Variants in SCAP observed in about 807,000 individuals in gnomAD.
The protein encoded by SCAP is sterol regulatory element-binding protein cleavage-activating protein.
In SCAP, 65 loss-of-function variants were observed where a neutral mutation model predicts 123.6. The ratio of observed to expected loss-of-function variants is 0.53; its 90% CI spans 0.43 to 0.65. The LOEUF (loss-of-function observed/expected upper bound fraction) is 0.65. Ranked by LOEUF, SCAP falls within the 30% of genes least tolerant of loss-of-function variation. The pLI is 0.00. For missense variants in SCAP, 1,398 were observed against 1,712.5 expected (o/e 0.82, Z 3.24); for synonymous variants, 740 against 726.3 (o/e 1.02, Z -0.30).
chr3:47,417,449 A>T lies in SCAP; in HGVS notation c.2825T>A (p.Leu942Gln). The change falls in exon 17 of 23, where the codon CTG becomes CAG. Residue 942 changes from leucine (L) to glutamine (Q), a missense_variant. By Grantham distance (113) the Leu-to-Gln change is moderately radical (BLOSUM62 -2). Around this residue, in one of 7 missense-constraint regions of SCAP, gnomAD observed 828 missense variants for 882.5 expected, o/e 0.94. Coordinates refer to ENST00000265565, the MANE Select transcript of SCAP (RefSeq NM_012235.4). ...ACCCTCGTCCTCAGGGGCCTGGGAC[A>T]GCACCGGCCCAGGCGAGGGTGGGCG... ...ALRPPSPGPV[L>Q]SQAPEDEGGS... is the part of the protein sequence containing the mutation. 2 of 1,553,540 alleles carry T rather than the reference A, an allele frequency of 1.3e-6. No homozygotes were observed. The highest frequency in any genetic ancestry group is 2.4e-5 in the South Asian group (2 of 84,706).
At chr3:47,423,419 C>T (rs1253329712) in intron 9 of SCAP, among the ~76,000 whole-genome samples, 3 of 152,206 alleles carry the variant, frequency 2.0e-5, no homozygotes, top group East Asian at 3.9e-4. Context: ...AAGCCACCAC[C>T]AAACACAAGC....
In SCAP at chr3:47,423,988, G is replaced by A; in HGVS notation, c.1095C>T (p.Thr365=). Residue 365 remains threonine (T), a synonymous_variant, in exon 9 of 23, where the codon ACC becomes ACT. Transcript: ENST00000265565. The stretch of plus-strand genomic sequence containing the variant: ...CTACCGGGGTTGAGACCACAGACTT[G>A]GTGAGCACCAACACATTCTCTAACC... ...VIGLENVLVL[T]KSVVSTPVDL... is the part of the protein sequence containing the mutation. The A allele has an allele frequency of 6.2e-7, 1 of 1,614,194 alleles. No individual in the cohort carries two copies. Among genetic ancestry groups the A allele is most frequent in the African/African-American group, 1.3e-5 (1 of 75,040 alleles).
In SCAP at chr3:47,428,631, C is replaced by A. The variant is rs770795938; in HGVS notation, c.292G>T (p.Val98Leu). The change falls in exon 4 of 23, where the codon GTG becomes TTG. Residue 98 changes from valine to leucine, a missense_variant. Val to Leu is a conservative substitution (Grantham distance 32). This residue lies in a region of SCAP where 319 missense variants were observed against 432.4 expected (regional missense o/e 0.74). Transcript: ENST00000265565. ...APVAYVQQIF[V>L]KSSVFPWHKN... ...TGCCAGGGAAACACTGAGGACTTCA[C>A]AAATATCTGCTGGACATAAGCCACC... 1.4e-5 allele frequency: 22 copies of A among 1,614,120 alleles called. No homozygotes were observed. The highest frequency in any genetic ancestry group is 1.9e-5 in the Non-Finnish European group (22 of 1,180,020).
In SCAP at chr3:47,417,513, G is replaced by C. The variant is rs990990102; in HGVS notation, c.2761C>G (p.Gln921Glu). 1.9e-6 allele frequency: 3 copies of C among 1,557,014 alleles called. No individual in the cohort carries two copies. The African/African-American group carries it at 4.1e-5, about 21-fold the overall frequency. ...CAGACGGCCGCCAGCCCCTCCTCCT[G>C]GTACACCCGCTGCACCAGGCAGCTG... Reference protein sequence around the residue: ...DFSCLVQRVYQEEGLAAVCTP... With the variant: ...DFSCLVQRVYEEEGLAAVCTP... Residue 921 changes from glutamine to glutamate, a missense_variant, in exon 17 of 23, where the codon CAG (glutamine) becomes GAG (glutamate). This residue lies in a region of SCAP where 828 missense variants were observed against 882.5 expected (regional missense o/e 0.94). Coordinates refer to ENST00000265565, the MANE Select transcript of SCAP (RefSeq NM_012235.4).
At chr3:47,414,476 A>C in intron 21 of SCAP, 90 bp from the exon 22 acceptor site, 1 of 1,594,418 alleles carries the variant, frequency 6.3e-7, no homozygotes, top group Non-Finnish European at 8.6e-7. Context: ...TGGGGCCCTG[A>C]CTGCTTCCTG....
intron 1 of SCAP, among the ~76,000 whole-genome samples, chr3:47,467,321 C>T (rs1707861811): frequency 6.6e-6 from 1 of 152,092 alleles, no homozygotes; most frequent in South Asian, 2.1e-4. Context: ...AGAAGATATA[C>T]AGGCTCGGTG....
At chr3:47,448,098 T>C (rs1443720239) in intron 1 of SCAP, among the ~76,000 whole-genome samples, 2 of 151,930 alleles carry the variant, frequency 1.3e-5, no homozygotes, top group Non-Finnish European at 2.9e-5. Flanking sequence ...AACTGGCATG[T>C]TGAGTCTTCC....
intron 20 of SCAP, 34 bp downstream of exon 20, chr3:47,414,793 C>G: frequency 6.3e-7 from 1 of 1,597,132 alleles, no homozygotes; most frequent in Non-Finnish European, 8.5e-7. Flanking sequence ...CGTGCCGGGC[C>G]ACTCCAGCAC....
chr3:47,421,011 C>G lies in SCAP; in HGVS notation c.1264G>C (p.Val422Leu). Residue 422 changes from valine to leucine, a missense_variant, in exon 11 of 23, where the codon GTC becomes CTC. Around this residue, in one of 7 missense-constraint regions of SCAP, gnomAD observed 66 missense variants for 116.3 expected, o/e 0.57. Transcript: ENST00000265565. ...PAIQEFCLFA[V>L]VGLVSDFFLQ... ...AAGAAGTCAGACACCAGCCCCACGA[C>G]AGCAAAGAGACAGAACTCCTGGAAT... The G allele has an allele frequency of 1.2e-6, 2 of 1,613,928 alleles. No homozygotes were observed. The highest frequency in any genetic ancestry group is 1.7e-6 in the Non-Finnish European group (2 of 1,179,976).
chr3:47,435,018 T>C lies in SCAP; in HGVS notation c.242A>G (p.Gln81Arg). 6.2e-7 allele frequency: 1 copy of C among 1,614,156 alleles called. No homozygotes were observed. The highest frequency in any genetic ancestry group is 8.5e-7 in the Non-Finnish European group (1 of 1,179,992). The change falls in exon 3 of 23, where the codon CAG (glutamine) becomes CGG (arginine). Residue 81 changes from glutamine (Q) to arginine (R), a missense_variant. Gln to Arg is a conservative substitution (Grantham distance 43). Around this residue, in one of 7 missense-constraint regions of SCAP, gnomAD observed 319 missense variants for 432.4 expected, o/e 0.74. Transcript: ENST00000265565. ...ATGACGAGTACCCACCCACTCAGGC[T>C]GCTCAGTAGGCTCTCCTTGTTTGCG... ...SDRKQGEPTE[Q>R]PEWYVGAPVA...
At chr3:47,456,487 C>T (rs1274730249) in intron 1 of SCAP, among the ~76,000 whole-genome samples, 2 of 151,590 alleles carry the variant, frequency 1.3e-5, no homozygotes, top group Non-Finnish European at 2.9e-5. Context: ...TACTTTAGGC[C>T]AGGTGCAGTG....
rs753270012 is a variant in SCAP, at chr3:47,418,793, C to T, written c.1991G>A (p.Arg664Lys). The T allele has an allele frequency of 6.4e-7, 1 of 1,559,112 alleles. No homozygotes were observed. The highest frequency in any genetic ancestry group is 1.2e-5 in the South Asian group (1 of 82,968). The change falls in exon 14 of 23, where the codon AGG becomes AAG. Residue 664 changes from arginine (R) to lysine (K), a missense_variant. By Grantham distance (26) the Arg-to-Lys change is conservative (BLOSUM62 2). Around this residue, in one of 7 missense-constraint regions of SCAP, gnomAD observed 828 missense variants for 882.5 expected, o/e 0.94. Coordinates refer to ENST00000265565, the MANE Select transcript of SCAP (RefSeq NM_012235.4). ...VIPVTLRLNP[R>K]EALEGRHPQD... ...AGGGTGCCGGCCCTCCAGAGCCTCC[C>T]TCGGGTTCAGGCGGAGCGTGACTGG...
chr3:47,464,478 T>A (rs1006905897), intron 1 of SCAP, among the ~76,000 whole-genome samples: 11 of 152,110 alleles, frequency 7.2e-5, no homozygotes, highest in African/African-American at 7.2e-5. Flanking sequence ...TAAGGTAATA[T>A]GCCACATTAC....
At chr3:47,435,176 G>A in intron 2 of SCAP, 39 bp from the exon 3 acceptor site, 1 of 1,584,466 alleles carries the variant, frequency 6.3e-7, no homozygotes, top group Admixed American at 1.7e-5. Context: ...TAGACACTAT[G>A]AGAGGCAGTC....
chr3:47,447,329 G>A (rs1445005670), intron 1 of SCAP, among the ~76,000 whole-genome samples: 1 of 152,030 alleles, frequency 6.6e-6, no homozygotes, highest in Non-Finnish European at 1.5e-5. Flanking sequence ...AGAAAGCAGA[G>A]GTTGAGCAAG....
chr3:47,414,227 T>G lies in SCAP; in HGVS notation c.3547A>C (p.Ser1183Arg), dbSNP rs750837437. Reference sequence around the variant, plus strand: ...ATGCCTGTGCTGCGGTCCCAGATGCTGATGAGGTCATCCAGGCCACTGCTG... The same window carrying G: ...ATGCCTGTGCTGCGGTCCCAGATGCGGATGAGGTCATCCAGGCCACTGCTG... The part of the protein sequence containing the change: ...VISSGLDDLI[S>R]IWDRSTGIKF... The change falls in exon 22 of 23, where the codon AGC (serine) becomes CGC (arginine). Residue 1183 changes from serine (S) to arginine (R), a missense_variant. This residue lies in a region of SCAP where 130 missense variants were observed against 166.7 expected (regional missense o/e 0.78). Transcript: ENST00000265565. 12 of 1,613,732 alleles carry G rather than the reference T, an allele frequency of 7.4e-6. No individual in the cohort carries two copies. In the South Asian group the frequency reaches 1.1e-4, roughly 15 times the overall value.
In SCAP at chr3:47,419,140, A is replaced by C. The variant is rs57815378; in HGVS notation, c.1940+188T>G. Among the ~76,000 whole-genome samples, 3,101 of 152,064 alleles carry C rather than the reference A, an allele frequency of 0.02. 90 individuals are homozygous for C. Among genetic ancestry groups the C allele is most frequent in the East Asian group, 0.051 (262 of 5,166 alleles). ...TGGTGAGGGCTGGCAGCCACCAGTGACTCCTCAGAGCAACCTGGGACTCCT... is the reference window on the plus strand; with the variant it reads ...TGGTGAGGGCTGGCAGCCACCAGTGCCTCCTCAGAGCAACCTGGGACTCCT... On this transcript the variant is annotated intron_variant, in intron 13 of 22. Coordinates refer to ENST00000265565, the MANE Select transcript of SCAP (RefSeq NM_012235.4). The surrounding 1 kb of genome is among the most constrained non-coding windows in gnomAD (Gnocchi z 5.0).
At chr3:47,457,278 G>A (rs1283156730) in intron 1 of SCAP, among the ~76,000 whole-genome samples, 1 of 152,168 alleles carries the variant, frequency 6.6e-6, no homozygotes, top group African/African-American at 2.4e-5. Context: ...TCATGTAAAT[G>A]TATTTCTACA....
chr3:47,431,447 T>C (rs918805958), intron 3 of SCAP, among the ~76,000 whole-genome samples: 4 of 151,812 alleles, frequency 2.6e-5, no homozygotes, highest in Admixed American at 6.6e-5. Flanking sequence ...TTTTGCCTAA[T>C]GTCCTTTTTC....
Sources: gnomAD v4.1 joint callset for allele counts (sites outside exome capture counted in the v4.1 genomes callset) on GRCh38, gnomAD v4.1.1 for gene constraint, gnomAD v4.1.1 regional missense constraint, Gnocchi (gnomAD v3.1) non-coding constraint, MANE v1.5 for transcripts, NCBI Gene and HGNC (gene_info 2026-07-23, HGNC 2026-07-21) for gene names.